DOK7: variants seen among roughly 807,000 people sequenced by gnomAD.
DOK7 encodes the protein docking protein 7.
A neutral mutation model predicts 30.7 loss-of-function variants in DOK7; 32 were observed. The observed-to-expected ratio is 1.04, with a 90% CI of 0.79 to 1.40. The LOEUF (loss-of-function observed/expected upper bound fraction) is 1.40, where lower values mean the gene tolerates loss of function less well. Among genes scored for constraint, DOK7 ranks in the 40% most tolerant of loss-of-function variants. DOK7 has a pLI of 0.00. For missense variants in DOK7, 1,007 were observed against 699.2 expected, an observed-to-expected ratio of 1.44 and a Z score of -4.97; for synonymous variants, 447 against 324.1, an observed-to-expected ratio of 1.38 and a Z score of -4.07.
At chr4:3,469,455 G>A (rs112060398) in intron 2 of DOK7, among the ~76,000 whole-genome samples, 3,358 of 152,196 alleles carry the variant, frequency 0.022, 124 homozygotes, top group African/African-American at 0.072. Flanking sequence ...TTCCTCAGCC[G>A]CCAGGCAAGA....
At chr4:3,468,473 CCT>C (rs1423204479) in intron 2 of DOK7, among the ~76,000 whole-genome samples, 9 of 137,374 alleles carry the variant, frequency 6.6e-5, no homozygotes, top group Non-Finnish European at 9.5e-5. Flanking sequence ...TGTATGTGTG[CCT>C]CTGTGTACAT....
chr4:3,493,958 C>G lies in DOK7; in HGVS notation c.*457C>G, dbSNP rs1577185801. 2.0e-6 allele frequency: 2 copies of G among 1,001,630 alleles called. No homozygotes were observed. Among genetic ancestry groups the G allele is most frequent in the East Asian group, 1.1e-4 (1 of 9,372 alleles). The allele number at this position is 1,001,630 out of a possible 1,614,324, so 62.0% of individuals were successfully genotyped here. On this transcript the variant is annotated 3_prime_UTR_variant, in exon 7 of 7. Coordinates refer to ENST00000340083, the MANE Select transcript of DOK7 (RefSeq NM_173660.5). ...CCACCTGTTAAGCATCAAGCTACCA[C>G]AGAGGCTCCGGCCACCTGGGCTCCA... is the stretch of plus-strand genomic sequence containing the variant.
rs767285554 is a variant in DOK7 at position 3,463,454 on chromosome 4, G to GC, written c.54+25_54+26insC. 0.011 allele frequency: 15,362 copies of GC among 1,416,548 alleles called. 139 individuals carry two copies. The highest frequency in any genetic ancestry group is 0.026 in the South Asian group (1,784 of 67,602). 87.7% of individuals were successfully genotyped at this position (1,416,548 alleles called of 1,614,324 possible). On this transcript the variant is annotated intron_variant, in intron 1 of 6. Transcript: ENST00000340083. ...GGTCGGGGCGCGTCGGGGGCGCGGG[G>GC]GGGGGGGGCGCGGGCGCGGGCGGCG...
At chr4:3,475,709 C>A (rs1171781487) in intron 3 of DOK7, among the ~76,000 whole-genome samples, 1 of 152,160 alleles carries the variant, frequency 6.6e-6, no homozygotes, top group Non-Finnish European at 1.5e-5. Context: ...GAACTGGAGG[C>A]TGGGGGATCC....
chr4:3,471,909 C>T (rs754629453), intron 2 of DOK7, among the ~76,000 whole-genome samples: 3 of 152,272 alleles, frequency 2.0e-5, no homozygotes, highest in East Asian at 3.8e-4. Flanking sequence ...GGGAAGTGAA[C>T]GCACTGTCGC....
downstream of DOK7, chr4:3,496,757 C>T (rs1056140941): frequency 2.0e-6 from 3 of 1,519,134 alleles, no homozygotes; most frequent in East Asian, 2.5e-5. Flanking sequence ...TCTCGGTGGC[C>T]CCCCGGGCAC....
intron 5 of DOK7, 118 bp from the exon 6 acceptor site, chr4:3,489,557 TCC>T: frequency 5.4e-6 from 8 of 1,492,142 alleles, no homozygotes; most frequent in Non-Finnish European, 7.3e-6. Flanking sequence ...GAGCGGGGAC[TCC>T]CAGGGGACTG....
chr4:3,464,534 C>T (rs10025581), intron 2 of DOK7, among the ~76,000 whole-genome samples: 13,183 of 152,216 alleles, frequency 0.087, 1,206 homozygotes, highest in African/African-American at 0.23. Context: ...CTGCAGGGGA[C>T]CTGGTATAGG....
chr4:3,501,161 G>C, exon 8 of DOK7: 1 of 361,372 alleles, frequency 2.8e-6, no homozygotes, highest in Non-Finnish European at 5.0e-6. Context: ...TTGGGAGCAT[G>C]GTTTGTGGTG....
intron 4 of DOK7, 180 bp from the exon 5 acceptor site, chr4:3,485,359 G>C: frequency 1.2e-6 from 1 of 825,264 alleles, no homozygotes; most frequent in Non-Finnish European, 1.7e-6. Context: ...GTCGGCTCTG[G>C]GCACCCGGAT....
At chr4:3,466,347 A>T (rs1182663902) in intron 2 of DOK7, among the ~76,000 whole-genome samples, 1 of 152,044 alleles carries the variant, frequency 6.6e-6, no homozygotes, top group East Asian at 1.9e-4. Flanking sequence ...AGGAGCCGGG[A>T]GCCCCCTGGC....
At chr4:3,488,568 C>T (rs551301859) in intron 5 of DOK7, among the ~76,000 whole-genome samples, 59 of 152,358 alleles carry the variant, frequency 3.9e-4, no homozygotes, top group African/African-American at 1.4e-3. Flanking sequence ...CTAGGTGTCC[C>T]AGGCTGGGGA....
chr4:3,496,359 A>G (rs1298092072), downstream of DOK7, among the ~76,000 whole-genome samples: 1 of 152,152 alleles, frequency 6.6e-6, no homozygotes, highest in East Asian at 1.9e-4. Context: ...CACCAGCTGC[A>G]GAGAGCAGGG....
chr4:3,463,592 G>T, intron 2 of DOK7, 41 bp downstream of exon 2: 2 of 1,522,192 alleles, frequency 1.3e-6, no homozygotes, highest in South Asian at 2.4e-5. Flanking sequence ...CGGGGGTAGC[G>T]ACACGGGTTA....
chr4:3,492,639 G>A (rs1365316469), intron 6 of DOK7, 120 bp from the exon 7 acceptor site: 13 of 1,406,322 alleles, frequency 9.2e-6, no homozygotes, highest in Non-Finnish European at 7.8e-6. Context: ...GGGCTTGGGG[G>A]CTGGAAGGGG....
At chr4:3,479,687 C>A (rs955895901) in intron 4 of DOK7, among the ~76,000 whole-genome samples, 1 of 152,236 alleles carries the variant, frequency 6.6e-6, no homozygotes, top group Non-Finnish European at 1.5e-5. Flanking sequence ...AGACACTGGG[C>A]GTGGCTGTGC....
intron 6 of DOK7, 79 bp from the exon 7 acceptor site, chr4:3,492,680 G>A (rs1338352482): frequency 1.9e-6 from 3 of 1,584,086 alleles, no homozygotes; most frequent in East Asian, 4.5e-5. Flanking sequence ...CTGGCCTGTG[G>A]GGGTCCACCA....
At chr4:3,495,812 G>T (rs1210094010), downstream of DOK7, among the ~76,000 whole-genome samples, 1 of 152,184 alleles carries the variant, frequency 6.6e-6, no homozygotes, top group African/African-American at 2.4e-5. Context: ...AGCAGCTGGG[G>T]AGGGGCCCTC....
chr4:3,492,398 G>T (rs544363322), intron 6 of DOK7, among the ~76,000 whole-genome samples: 27 of 146,824 alleles, frequency 1.8e-4, no homozygotes, highest in Admixed American at 3.4e-4. Flanking sequence ...GGTGGCCCTG[G>T]AAGGTAGTCG....
Sources: allele counts gnomAD v4.1 joint callset (sites outside exome capture counted in the v4.1 genomes callset), GRCh38; gene constraint gnomAD v4.1.1; transcripts MANE v1.5; gene names NCBI Gene and HGNC (gene_info 2026-07-23, HGNC 2026-07-21).